ADARB2: variants seen among roughly 807,000 people sequenced by gnomAD.
ADARB2 encodes inactive double-stranded RNA-specific editase B2.
In ADARB2, 25 loss-of-function variants were observed where a neutral mutation model predicts 62.2. The ratio of observed to expected loss-of-function variants is 0.40; its 90% CI spans 0.29 to 0.56. The LOEUF (loss-of-function observed/expected upper bound fraction) is 0.56. ADARB2 is among the 20% of genes least tolerant of loss of function. The pLI is 0.43. For synonymous variants in ADARB2, 572 were observed against 500.8 expected (o/e 1.14, Z -1.90); for missense variants, 1,071 against 1,077.4 (o/e 0.99, Z 0.08).
At chr10:1,737,001 G>A in intron 1 of ADARB2, 50 bp downstream of exon 1, 1 of 1,588,804 alleles carries the variant, frequency 6.3e-7, no homozygotes, top group Non-Finnish European at 8.6e-7. Flanking sequence ...CCGGGGTGGA[G>A]AAGCCGGGGG....
chr10:1,503,936 G>A (rs1448477873), intron 1 of ADARB2, among the ~76,000 whole-genome samples: 1 of 152,282 alleles, frequency 6.6e-6, no homozygotes, highest in East Asian at 1.9e-4. Context: ...CTGCAGAACC[G>A]TGAGCCATTT....
chr10:1,450,108 C>T (rs192389494), intron 1 of ADARB2, among the ~76,000 whole-genome samples: 1 of 152,342 alleles, frequency 6.6e-6, no homozygotes. Flanking sequence ...AGTCTCCACA[C>T]TGAGAGCACA....
At chr10:1,250,073 C>T (rs1831023088) in intron 4 of ADARB2, among the ~76,000 whole-genome samples, 1 of 147,196 alleles carries the variant, frequency 6.8e-6, no homozygotes, top group Non-Finnish European at 1.5e-5. Context: ...AAAATTTAAA[C>T]AAACAGAAAG....
intron 3 of ADARB2, among the ~76,000 whole-genome samples, chr10:1,284,818 C>G (rs556971541): frequency 5.3e-5 from 8 of 152,200 alleles, no homozygotes; most frequent in Non-Finnish European, 1.2e-4. Context: ...GAACTCAGCA[C>G]ATCTGTGGGG....
chr10:1,363,441 T>C lies in ADARB2; in HGVS notation c.664A>G (p.Thr222Ala). 1 of 1,412,106 alleles carries C rather than the reference T, an allele frequency of 7.1e-7. No individual in the cohort carries two copies. Among genetic ancestry groups the C allele is most frequent in the Non-Finnish European group, 9.2e-7 (1 of 1,083,978 alleles). 87.5% of individuals were successfully genotyped at this position (1,412,106 alleles called of 1,614,324 possible). A position where few individuals can be genotyped will look rare whatever the true frequency, so the allele number is the denominator to read the frequency against. Residue 222 changes from threonine (T) to alanine (A), a missense_variant, in exon 3 of 10, where the codon ACG becomes GCG. Thr to Ala is a moderately conservative substitution (Grantham distance 58). Transcript: ENST00000381312. Reference protein sequence around the residue: ...FTSDQADFPDTLFQEFEPPAP... With the variant: ...FTSDQADFPDALFQEFEPPAP... ...GGGGGCTCGAACTCCTGGAAGAGCG[T>C]GTCGGGGAAATCGGCCTGGTCGGAG...
rs570931443 is a variant in ADARB2, at chr10:1,477,532, C to T, written c.101-98372G>A. 5.3e-5 allele frequency among the ~76,000 whole-genome samples: 8 copies of T among 152,316 alleles called. No individual in the cohort carries two copies. The highest frequency in any genetic ancestry group is 3.9e-4 in the East Asian group (2 of 5,184). On this transcript the variant is annotated intron_variant, in intron 1 of 9. Coordinates refer to ENST00000381312, the MANE Select transcript of ADARB2 (RefSeq NM_018702.4). This position sits in a 1 kb window ranked among gnomAD's most constrained non-coding sequence, Gnocchi z 4.5. ...CTAATAAATCTGCCTTCTTTACCCA[C>T]GACTGTCTTGGTAAATTCTTTTACC...
chr10:1,253,113 GAAA>G (rs561133065), intron 4 of ADARB2, among the ~76,000 whole-genome samples: 1 of 152,108 alleles, frequency 6.6e-6, no homozygotes, highest in African/African-American at 2.4e-5. Context: ...ATCTTGTTTG[GAAA>G]AAGTTTTTAA....
intron 1 of ADARB2, among the ~76,000 whole-genome samples, chr10:1,488,650 G>T (rs946788915): frequency 1.3e-5 from 2 of 152,152 alleles, no homozygotes; most frequent in African/African-American, 4.8e-5. Flanking sequence ...GTGAAAGGGA[G>T]GACTTTTCTT....
At chr10:1,338,560 G>A (rs970538399) in intron 3 of ADARB2, among the ~76,000 whole-genome samples, 9 of 152,164 alleles carry the variant, frequency 5.9e-5, no homozygotes, top group Non-Finnish European at 1.2e-4. Flanking sequence ...TTTTAAAATG[G>A]CAAGAATTCT....
chr10:1,724,863 A>G (rs1173847760), intron 1 of ADARB2, among the ~76,000 whole-genome samples: 1 of 152,334 alleles, frequency 6.6e-6, no homozygotes, highest in African/African-American at 2.4e-5. Flanking sequence ...GAGGGGCCAC[A>G]GGTACTTGCT....
chr10:1,531,615 G>A (rs943395150), intron 1 of ADARB2, among the ~76,000 whole-genome samples: 1 of 152,276 alleles, frequency 6.6e-6, no homozygotes, highest in African/African-American at 2.4e-5. Context: ...CGAGTGGGTG[G>A]ATCACAAGGT....
intron 1 of ADARB2, among the ~76,000 whole-genome samples, chr10:1,705,328 T>C (rs574684989): frequency 1.3e-5 from 2 of 152,090 alleles, no homozygotes; most frequent in East Asian, 3.9e-4. Flanking sequence ...GGTAGTGTGG[T>C]CTGGAAGAGT....
At chr10:1,666,630 C>A (rs946779683) in intron 1 of ADARB2, among the ~76,000 whole-genome samples, 1 of 152,230 alleles carries the variant, frequency 6.6e-6, no homozygotes, top group East Asian at 1.9e-4. Flanking sequence ...GAAACCGTCT[C>A]ATCAACATTC....
At chr10:1,375,074 T>C (rs1353641460) in intron 2 of ADARB2, among the ~76,000 whole-genome samples, 1 of 152,028 alleles carries the variant, frequency 6.6e-6, no homozygotes, top group Non-Finnish European at 1.5e-5. Context: ...CAGGACCCCA[T>C]GGGGCTGGGC....
At position 1,183,150 on chromosome 10, in the gene ADARB2, C is replaced by G. The variant is rs1249983193; in HGVS notation, c.*43G>C. Reference sequence around the variant, plus strand: ...GTCGCCCCCCAGACACGGTCCCATCCCTCCAGCGTCCCGCTCAGCTCCAGC... The same window carrying G: ...GTCGCCCCCCAGACACGGTCCCATCGCTCCAGCGTCCCGCTCAGCTCCAGC... On this transcript the variant is annotated 3_prime_UTR_variant, in exon 10 of 10. Transcript: ENST00000381312. 2 of 1,594,402 alleles carry G rather than the reference C, an allele frequency of 1.3e-6. No individual in the cohort carries two copies. Among genetic ancestry groups the G allele is most frequent in the African/African-American group, 1.3e-5 (1 of 74,564 alleles).
At chr10:1,652,453 C>T (rs1469415691) in intron 1 of ADARB2, among the ~76,000 whole-genome samples, 3 of 152,170 alleles carry the variant, frequency 2.0e-5, no homozygotes, top group African/African-American at 4.8e-5. Flanking sequence ...TTCCAGAGCT[C>T]GGGGCTCACC....
At chr10:1,614,937 T>G (rs1199585970) in intron 1 of ADARB2, among the ~76,000 whole-genome samples, 1 of 152,050 alleles carries the variant, frequency 6.6e-6, no homozygotes, top group Non-Finnish European at 1.5e-5. Context: ...ATGCCCTTTT[T>G]GTTTTGGGTT....
intron 1 of ADARB2, among the ~76,000 whole-genome samples, chr10:1,607,119 C>A (rs1056337956): frequency 1.3e-5 from 2 of 152,152 alleles, no homozygotes; most frequent in African/African-American, 2.4e-5. Flanking sequence ...AAATGTAATC[C>A]ATTTCAGTTA....
intron 3 of ADARB2, among the ~76,000 whole-genome samples, chr10:1,311,613 C>T (rs944200073): frequency 6.6e-6 from 1 of 152,172 alleles, no homozygotes; most frequent in African/African-American, 2.4e-5. Flanking sequence ...TCCATAGAGA[C>T]CCCACCACAC....
Sources: gnomAD v4.1 joint callset for allele counts (sites outside exome capture counted in the v4.1 genomes callset) on GRCh38, gnomAD v4.1.1 for gene constraint, Gnocchi (gnomAD v3.1) non-coding constraint, MANE v1.5 for transcripts, NCBI Gene and HGNC (gene_info 2026-07-23, HGNC 2026-07-21) for gene names.